HELQ: variants seen among roughly 807,000 people sequenced by gnomAD.
HELQ encodes the protein helicase POLQ-like.
HELQ carries 77 observed loss-of-function variants against 111.6 expected under a neutral mutation model. That is an observed-to-expected ratio of 0.69 (90% CI 0.57 to 0.83). The LOEUF (loss-of-function observed/expected upper bound fraction) is 0.83, where lower values mean the gene tolerates loss of function less well. Ranked by LOEUF, HELQ falls within the 40% of genes least tolerant of loss-of-function variation. The pLI, the probability that HELQ is intolerant of heterozygous loss-of-function variation, is 0.00. For missense variants in HELQ, 1,200 were observed against 1,288.5 expected (o/e 0.93, Z 1.05); for synonymous variants, 438 against 454.7 (o/e 0.96, Z 0.47).
intron 14 of HELQ, among the ~76,000 whole-genome samples, chr4:83,423,525 T>C (rs539104474): frequency 6.6e-6 from 1 of 152,246 alleles, no homozygotes; most frequent in Admixed American, 6.5e-5. Flanking sequence ...ATAAATTGAG[T>C]CAATGTAGGT....
chr4:83,425,223 T>C (rs1719782895), intron 14 of HELQ, among the ~76,000 whole-genome samples: 1 of 144,138 alleles, frequency 6.9e-6, no homozygotes. Flanking sequence ...GAGGTGTCAG[T>C]GACCCAAGAT....
At chr4:83,443,299 A>G (rs1345393201) in intron 6 of HELQ, among the ~76,000 whole-genome samples, 1 of 152,186 alleles carries the variant, frequency 6.6e-6, no homozygotes, top group Non-Finnish European at 1.5e-5. Flanking sequence ...CCTGTGGGCC[A>G]GGCTATAGAT....
At chr4:83,432,380 A>G in intron 9 of HELQ, 113 bp from the exon 10 acceptor site, 4 of 641,454 alleles carry the variant, frequency 6.2e-6, no homozygotes, top group Non-Finnish European at 9.2e-6. Flanking sequence ...ACACAAAATA[A>G]TAGGTAACTA....
intron 17 of HELQ, among the ~76,000 whole-genome samples, chr4:83,416,406 A>T (rs1471444555): frequency 1.3e-5 from 2 of 151,838 alleles, no homozygotes; most frequent in South Asian, 4.2e-4. Flanking sequence ...TTTTTTGCAG[A>T]AACAGAGTCT....
chr4:83,438,652 GGAT>G (rs1720589821), intron 8 of HELQ, among the ~76,000 whole-genome samples: 1 of 149,302 alleles, frequency 6.7e-6, no homozygotes, highest in African/African-American at 2.5e-5. Flanking sequence ...TGAGGTAGGA[GGAT>G]CACTTGAGCC....
Position 83,429,535 on chromosome 4 carries a change from G to T in HELQ, c.2507C>A (p.Ala836Asp). The T allele has an allele frequency of 6.3e-7, 1 of 1,595,530 alleles. No homozygotes were observed. The highest frequency in any genetic ancestry group is 8.6e-7 in the Non-Finnish European group (1 of 1,166,510). Residue 836 changes from alanine to aspartate, a missense_variant, in exon 12 of 18, where the codon GCT becomes GAT. Ala to Asp is a moderately radical substitution (Grantham distance 126). Transcript: ENST00000295488. ...AGGTAAACTCTTACCCTTAAATGAA[G>T]CACGTCCCAACTTTGTAATATGAAA... ...YNFHITKLGR[A>D]SFKGTIDLAY... is the part of the protein sequence containing the mutation.
At chr4:83,421,278 C>T (rs1307545114) in intron 15 of HELQ, among the ~76,000 whole-genome samples, 4 of 152,090 alleles carry the variant, frequency 2.6e-5, no homozygotes, top group Non-Finnish European at 5.9e-5. Flanking sequence ...TTCTGAATAC[C>T]TGAAACTATT....
intron 17 of HELQ, among the ~76,000 whole-genome samples, chr4:83,411,541 C>T (rs1327027017): frequency 1.3e-5 from 2 of 151,514 alleles, no homozygotes; most frequent in Non-Finnish European, 2.9e-5. Context: ...GAGGTTAAGG[C>T]TGCAGCAAGC....
At chr4:83,453,065 A>G in intron 2 of HELQ, 166 bp downstream of exon 2, 1 of 553,938 alleles carries the variant, frequency 1.8e-6, no homozygotes, top group Non-Finnish European at 3.2e-6. Flanking sequence ...AAAGAGGTTC[A>G]GTGGTAGCAG....
chr4:83,429,443 C>T (rs1009111808), intron 12 of HELQ, 81 bp downstream of exon 12: 2 of 1,071,482 alleles, frequency 1.9e-6, no homozygotes, highest in Non-Finnish European at 2.7e-6. Flanking sequence ...GCCACTGTGC[C>T]CAGCTTAAAG....
At chr4:83,437,195 A>C in intron 8 of HELQ, 98 bp from the exon 9 acceptor site, 1 of 1,142,734 alleles carries the variant, frequency 8.8e-7, no homozygotes, top group African/African-American at 1.5e-5. Context: ...AACATTCTTT[A>C]ATGTACTATT....
chr4:83,436,076 G>C (rs1203796013), intron 9 of HELQ, among the ~76,000 whole-genome samples: 3 of 151,894 alleles, frequency 2.0e-5, no homozygotes, highest in Non-Finnish European at 4.4e-5. Flanking sequence ...TAAGATATTT[G>C]AAGTAAACCT....
At chr4:83,452,820 A>G (rs1382357456) in intron 2 of HELQ, among the ~76,000 whole-genome samples, 1 of 152,246 alleles carries the variant, frequency 6.6e-6, no homozygotes, top group Non-Finnish European at 1.5e-5. Flanking sequence ...AGAGAATGAG[A>G]GCACAGAACC....
Position 83,431,701 on chromosome 4 carries a change from C to T in HELQ, c.2258G>A (p.Gly753Glu), listed in dbSNP as rs779000585. The stretch of plus-strand genomic sequence containing the variant: ...CAAAGAGAGAAATAATGTTTGGATT[C>T]CCTTGGTGAATTCCTGAACAAGATG... ...YSHLVQEFTK[G>E]IQTLFLSLIG... The change falls in exon 11 of 18, where the codon GGA (glycine) becomes GAA (glutamate). Residue 753 changes from glycine (G) to glutamate (E), a missense_variant. Physicochemically the swap from Gly to Glu is moderately conservative, Grantham distance 98. Around this residue, in one of 3 missense-constraint regions of HELQ, gnomAD observed 585 missense variants for 665.3 expected, o/e 0.88. Coordinates refer to ENST00000295488, the MANE Select transcript of HELQ (RefSeq NM_133636.5). 111 of 1,562,356 alleles carry T rather than the reference C, an allele frequency of 7.1e-5. No individual in the cohort carries two copies. The highest frequency in any genetic ancestry group is 9.3e-5 in the Non-Finnish European group (107 of 1,153,306).
intron 1 of HELQ, among the ~76,000 whole-genome samples, chr4:83,454,277 TATATGGTCAC>T (rs1465821380): frequency 6.6e-6 from 1 of 152,134 alleles, no homozygotes; most frequent in African/African-American, 2.4e-5. Flanking sequence ...AGTATATAAT[TATATGGTCAC>T]ATATGGATCA....
Position 83,421,830 on chromosome 4 carries a change from A to G in HELQ, c.2776-94T>C, listed in dbSNP as rs566967657. ...AAAAGGAAAACTGAAGTTGTATTAC[A>G]GAATAGCAAGGATAGAATAATTCCA... is the stretch of plus-strand genomic sequence containing the variant. On this transcript the variant is annotated intron_variant, in intron 14 of 17. Transcript: ENST00000295488. The G allele has an allele frequency of 4.6e-6, 4 of 868,636 alleles. No individual in the cohort carries two copies. The East Asian group carries it at 1.0e-4, about 22-fold the overall frequency. The allele number at this position is 868,636 out of a possible 1,614,324, so 53.8% of individuals were successfully genotyped here. A position where few individuals can be genotyped will look rare whatever the true frequency, so the allele number is the denominator to read the frequency against.
intron 3 of HELQ, among the ~76,000 whole-genome samples, chr4:83,447,932 G>A (rs541351836): frequency 3.0e-4 from 45 of 151,620 alleles, no homozygotes; most frequent in South Asian, 2.5e-3. Context: ...AGGTAAGGCC[G>A]GGCACAGTGG....
chr4:83,424,327 T>C (rs2109977405), intron 14 of HELQ, among the ~76,000 whole-genome samples: 1 of 152,338 alleles, frequency 6.6e-6, no homozygotes, highest in Non-Finnish European at 1.5e-5. Context: ...TAAGAAATAT[T>C]TTTATTCAGC....
At chr4:83,414,072 C>T (rs1041381055) in intron 17 of HELQ, among the ~76,000 whole-genome samples, 8 of 152,268 alleles carry the variant, frequency 5.3e-5, no homozygotes, top group South Asian at 2.1e-4. Flanking sequence ...AGCGTATGTA[C>T]GTGGAAAAAT....
Sources: allele counts gnomAD v4.1 joint callset (sites outside exome capture counted in the v4.1 genomes callset), GRCh38; gene constraint gnomAD v4.1.1; regional missense constraint gnomAD v4.1.1; transcripts MANE v1.5; gene names NCBI Gene and HGNC (gene_info 2026-07-23, HGNC 2026-07-21).